The following ANO2 variants were observed in gnomAD, a reference collection of about 807,000 sequenced individuals.
The protein encoded by ANO2 is anoctamin 2, also known as anoctamin-2.
In ANO2, 101 loss-of-function variants were observed where a neutral mutation model predicts 124.2. That is an observed-to-expected ratio of 0.81 (90% CI 0.69 to 0.96). ANO2 has a LOEUF of 0.96. Among genes scored for constraint, ANO2 ranks in the 40% least tolerant of loss-of-function variants. The probability of loss-of-function intolerance (pLI) is 0.00; values close to 1 mark genes in which losing one functional copy is unlikely to be tolerated. For missense variants in ANO2, 1,293 were observed against 1,274.5 expected, an observed-to-expected ratio of 1.01 and a Z score of -0.22; for synonymous variants, 486 against 482.5, an observed-to-expected ratio of 1.01 and a Z score of -0.09.
At chr12:5,679,827 C>T (rs545018507) in intron 14 of ANO2, among the ~76,000 whole-genome samples, 1 of 152,288 alleles carries the variant, frequency 6.6e-6, no homozygotes, top group South Asian at 2.1e-4. Flanking sequence ...ATTATAAAGA[C>T]ACATGCACAC....
At chr12:5,708,085 A>G (rs1167083294) in intron 14 of ANO2, among the ~76,000 whole-genome samples, 1 of 152,196 alleles carries the variant, frequency 6.6e-6, no homozygotes. Context: ...CCCACGCCTT[A>G]GTAAATAAAA....
chr12:5,777,503 A>G (rs1231241517), intron 10 of ANO2, among the ~76,000 whole-genome samples: 1 of 152,180 alleles, frequency 6.6e-6, no homozygotes, highest in Non-Finnish European at 1.5e-5. Context: ...CAAAAGGCCA[A>G]TGTGGGGCTT....
chr12:5,923,103 T>C (rs12822452), intron 1 of ANO2, among the ~76,000 whole-genome samples: 274 of 5,864 alleles, frequency 0.047, 16 homozygotes, highest in Middle Eastern at 0.21. Flanking sequence ...CGCACACACA[T>C]ACACACACAT....
chr12:5,888,111 G>A (rs1040973668), intron 3 of ANO2, among the ~76,000 whole-genome samples: 3 of 152,122 alleles, frequency 2.0e-5, no homozygotes, highest in Admixed American at 6.5e-5. Context: ...TCCTTCTGAC[G>A]TTCGGATGTG....
At chr12:5,780,923 C>T (rs541286913) in intron 10 of ANO2, among the ~76,000 whole-genome samples, 89 of 152,294 alleles carry the variant, frequency 5.8e-4, no homozygotes, top group African/African-American at 1.9e-3. Context: ...GAGAAGCCAA[C>T]GGGCGTCCTT....
chr12:5,580,793 T>C (rs1337504203), intron 20 of ANO2, among the ~76,000 whole-genome samples: 1 of 152,212 alleles, frequency 6.6e-6, no homozygotes, highest in Non-Finnish European at 1.5e-5. Context: ...GGGTCACTGT[T>C]CTTGCTGATT....
At chr12:5,863,182 C>T (rs1427069228) in intron 3 of ANO2, among the ~76,000 whole-genome samples, 1 of 152,128 alleles carries the variant, frequency 6.6e-6, no homozygotes, top group African/African-American at 2.4e-5. Context: ...TGAGAACAGA[C>T]TAATACACCC....
Position 5,563,245 on chromosome 12 carries a change from C to T in ANO2, c.*54G>A, listed in dbSNP as rs983948562. 1.2e-5 allele frequency: 19 copies of T among 1,542,588 alleles called. No homozygotes were observed. In the Admixed American group the frequency reaches 1.7e-4, roughly 14 times the overall value. The stretch of plus-strand genomic sequence containing the variant: ...CCATGTGGGTGTAGGAACATGCTTA[C>T]GTGCATGTGCGTGTCTCTGCTGCCG... On this transcript the variant is annotated 3_prime_UTR_variant, in exon 25 of 25. Coordinates refer to ENST00000682330, the MANE Select transcript of ANO2 (RefSeq NM_001364791.2).
chr12:5,585,601 A>G (rs1943071263), intron 20 of ANO2, among the ~76,000 whole-genome samples: 1 of 152,182 alleles, frequency 6.6e-6, no homozygotes, highest in Non-Finnish European at 1.5e-5. Flanking sequence ...TCCAGTAAAT[A>G]TTTACTGAAA....
chr12:5,693,810 C>T (rs1949045078), intron 14 of ANO2, among the ~76,000 whole-genome samples: 1 of 152,148 alleles, frequency 6.6e-6, no homozygotes, highest in Non-Finnish European at 1.5e-5. Flanking sequence ...GATTCCTTTC[C>T]CCTCACTGCC....
intron 20 of ANO2, among the ~76,000 whole-genome samples, chr12:5,596,953 A>G (rs1943691010): frequency 6.6e-6 from 1 of 152,082 alleles, no homozygotes; most frequent in Non-Finnish European, 1.5e-5. Flanking sequence ...AGGCAAGCAA[A>G]TCAAGACACA....
At chr12:5,801,965 C>T (rs989827806) in intron 9 of ANO2, among the ~76,000 whole-genome samples, 4 of 152,184 alleles carry the variant, frequency 2.6e-5, no homozygotes, top group Non-Finnish European at 5.9e-5. Flanking sequence ...GATATGCTTG[C>T]GTCAGGAGAT....
chr12:5,922,676 C>T lies in ANO2; in HGVS notation c.151G>A (p.Gly51Ser), dbSNP rs762449480. The T allele has an allele frequency of 2.0e-5, 32 of 1,571,012 alleles. No individual in the cohort carries two copies. The highest frequency in any genetic ancestry group is 1.8e-4 in the Middle Eastern group (1 of 5,542). Residue 51 changes from glycine to serine, a missense_variant, in exon 2 of 25, where the codon GGT becomes AGT. Transcript: ENST00000682330. Reference protein sequence around the residue: ...PGPRAPGLQGGSNRDPGQPCG... With the variant: ...PGPRAPGLQGSSNRDPGQPCG... ...GGCTGGCCAGGATCTCTGTTGGAAC[C>T]GCCCTGCAGACCTGGGGCCCGGGGA... is the stretch of plus-strand genomic sequence containing the variant.
At chr12:5,842,495 C>T (rs1454272178) in intron 4 of ANO2, among the ~76,000 whole-genome samples, 3 of 152,120 alleles carry the variant, frequency 2.0e-5, no homozygotes, top group Non-Finnish European at 4.4e-5. Context: ...TCAGGGAGCA[C>T]AGGATTCCTG....
At chr12:5,884,202 G>C (rs942397668) in intron 3 of ANO2, among the ~76,000 whole-genome samples, 3 of 152,138 alleles carry the variant, frequency 2.0e-5, no homozygotes, top group African/African-American at 7.2e-5. Flanking sequence ...AGCCACTGTG[G>C]GCAGTGATTC....
At chr12:5,729,753 A>G (rs1311568595) in intron 14 of ANO2, among the ~76,000 whole-genome samples, 1 of 152,138 alleles carries the variant, frequency 6.6e-6, no homozygotes, top group African/African-American at 2.4e-5. Context: ...AAAAGTAGAG[A>G]CCACCCAAAT....
At chr12:5,588,754 T>C (rs1348749802) in intron 20 of ANO2, among the ~76,000 whole-genome samples, 1 of 152,236 alleles carries the variant, frequency 6.6e-6, no homozygotes, top group Non-Finnish European at 1.5e-5. Flanking sequence ...ACATTGGCAG[T>C]AGTGCATTAC....
Position 5,612,727 on chromosome 12 carries a change from G to A in ANO2, c.2016C>T (p.Leu672=). Residue 672 remains leucine, a synonymous_variant, in exon 19 of 25, where the codon CTC becomes CTT. Coordinates refer to ENST00000682330, the MANE Select transcript of ANO2 (RefSeq NM_001364791.2). The part of the protein sequence containing the change: ...ECAPGGCLME[L]CIQLSIIMLG... Reference sequence around the variant, plus strand: ...ACATGATGATGCTGAGCTGAATGCAGAGCTCCATGAGACAGCCCCCTGGAG... The same window carrying A: ...ACATGATGATGCTGAGCTGAATGCAAAGCTCCATGAGACAGCCCCCTGGAG... 1 of 1,613,928 alleles carries A rather than the reference G, an allele frequency of 6.2e-7. No individual in the cohort carries two copies. The highest frequency in any genetic ancestry group is 8.5e-7 in the Non-Finnish European group (1 of 1,179,868).
At chr12:5,602,329 C>A (rs1313226208) in intron 19 of ANO2, among the ~76,000 whole-genome samples, 1 of 151,850 alleles carries the variant, frequency 6.6e-6, no homozygotes, top group East Asian at 1.9e-4. Context: ...CGGCTCACTT[C>A]AACCTCTGTC....
Sources: gnomAD v4.1 joint callset for allele counts (sites outside exome capture counted in the v4.1 genomes callset) on GRCh38, gnomAD v4.1.1 for gene constraint, MANE v1.5 for transcripts, NCBI Gene and HGNC (gene_info 2026-07-23, HGNC 2026-07-21) for gene names.